IPO9: variants seen among roughly 807,000 people sequenced by gnomAD.
The protein encoded by IPO9 is importin-9.
Under a neutral mutation model 128.6 loss-of-function variants are expected in IPO9, and 28 were observed. The observed-to-expected ratio is 0.22, with a 90% CI of 0.16 to 0.30. The LOEUF is 0.30. Among genes scored for constraint, IPO9 ranks in the 10% least tolerant of loss-of-function variants. The pLI is 1.00. For synonymous variants in IPO9, 455 were observed against 475.8 expected (o/e 0.96, Z 0.57); for missense variants, 935 against 1,293.9 (o/e 0.72, Z 4.26).
rs1199329024 is a variant in IPO9 at position 201,876,321 on chromosome 1, C to T, written c.*267C>T. ...TTTCTCCCCGACTCTACCCCCACCT[C>T]TGTTCCTAGAGCCCTCTGCTGGCGA... is the stretch of plus-strand genomic sequence containing the variant. On this transcript the variant is annotated 3_prime_UTR_variant, in exon 24 of 24. Transcript: ENST00000361565. The T allele has an allele frequency of 1.7e-6, 1 of 574,322 alleles. No individual in the cohort carries two copies. Among genetic ancestry groups the T allele is most frequent in the African/African-American group, 1.9e-5 (1 of 53,948 alleles). The allele number at this position is 574,322 out of a possible 1,614,324, so 35.6% of individuals were successfully genotyped here.
intron 14 of IPO9, among the ~76,000 whole-genome samples, chr1:201,865,199 C>CTTTTTTTTTTTTTTTTTTTTTT (rs201084995): frequency 7.5e-6 from 1 of 132,852 alleles, no homozygotes; most frequent in Non-Finnish European, 1.6e-5. Context: ...AACTATTTTT[C>CTTTTTTTTTTTTTTTTTTTTTT]TTTTTTTTTT....
chr1:201,839,539 C>T lies in IPO9; in HGVS notation c.164-7740C>T, dbSNP rs915840879. Among the ~76,000 whole-genome samples the T allele has an allele frequency of 3.2e-5, 4 of 124,920 alleles. No homozygotes were observed. The East Asian group carries it at 6.7e-4, about 21-fold the overall frequency. The allele number at this position is 124,920 out of a possible 152,430, so 82.0% of individuals were successfully genotyped here. ...TCATGACACTGCACTCCAGCCTGGG[C>T]GACAGAGCAAGACTCCATCTCAAAA... On this transcript the variant is annotated intron_variant, in intron 1 of 23. Transcript: ENST00000361565.
rs1482800570 is a variant in IPO9, at chr1:201,881,649, G to T, written c.*5595G>T. On this transcript the variant is annotated 3_prime_UTR_variant, in exon 24 of 24. Coordinates refer to ENST00000361565, the MANE Select transcript of IPO9 (RefSeq NM_018085.5). ...AAGACCTGCTTCCTCTAGAGAATGG[G>T]AGACTACCCAAGATAACTAAACAGG... 1 of 152,206 alleles carries T rather than the reference G, an allele frequency of 6.6e-6. No homozygotes were observed. Among genetic ancestry groups the T allele is most frequent in the African/African-American group, 2.4e-5 (1 of 41,450 alleles). The allele number at this position is 152,206 out of a possible 1,614,324, so 9.4% of individuals were successfully genotyped here. A position where few individuals can be genotyped will look rare whatever the true frequency, so the allele number is the denominator to read the frequency against.
chr1:201,870,499 G>A lies in IPO9; in HGVS notation c.2134-84G>A. On this transcript the variant is annotated intron_variant, in intron 17 of 23. Transcript: ENST00000361565. This position sits in a 1 kb window ranked among gnomAD's most constrained non-coding sequence, Gnocchi z 4.9. Reference sequence around the variant, plus strand: ...CCGCTTTTATGAGGCATAGGCCTCTGGGAACATTTGTTTATACAGACTGAG... The same window carrying A: ...CCGCTTTTATGAGGCATAGGCCTCTAGGAACATTTGTTTATACAGACTGAG... The A allele has an allele frequency of 1.0e-5, 15 of 1,475,494 alleles. No homozygotes were observed. The highest frequency in any genetic ancestry group is 1.2e-5 in the Non-Finnish European group (13 of 1,095,350). 91.4% of individuals were successfully genotyped at this position (1,475,494 alleles called of 1,614,324 possible).
intron 15 of IPO9, among the ~76,000 whole-genome samples, chr1:201,867,230 C>G (rs1179806684): frequency 6.6e-6 from 1 of 152,012 alleles, no homozygotes; most frequent in East Asian, 1.9e-4. Context: ...AAGCAAGAGA[C>G]ATAATTCAGA....
intron 1 of IPO9, among the ~76,000 whole-genome samples, chr1:201,842,213 G>A (rs1277072970): frequency 6.6e-6 from 1 of 152,180 alleles, no homozygotes; most frequent in Non-Finnish European, 1.5e-5. Flanking sequence ...TGCTAGAGCA[G>A]CTCACAGAAC....
rs1005834811 is a variant in IPO9 at position 201,883,316 on chromosome 1, A to G, written c.*7262A>G. 3 of 152,232 alleles carry G rather than the reference A, an allele frequency of 2.0e-5. No individual in the cohort carries two copies. The highest frequency in any genetic ancestry group is 7.2e-5 in the African/African-American group (3 of 41,426). 9.4% of individuals were successfully genotyped at this position (152,232 alleles called of 1,614,324 possible). A position where few individuals can be genotyped will look rare whatever the true frequency, so the allele number is the denominator to read the frequency against. ...ATGGTGAAAGCTCTAGTGAACTGCA[A>G]TTAGGCCCAGGGTCCCGGAGGAAGA... On this transcript the variant is annotated 3_prime_UTR_variant, in exon 24 of 24. Transcript: ENST00000361565.
chr1:201,839,140 G>A (rs1260138122), intron 1 of IPO9, among the ~76,000 whole-genome samples: 6 of 148,932 alleles, frequency 4.0e-5, no homozygotes, highest in African/African-American at 1.5e-4. Context: ...AGCTGGTCTC[G>A]AACTCCTAAC....
At position 201,882,431 on chromosome 1, in the gene IPO9, C is replaced by CAAAAA. The variant is rs1282676404; in HGVS notation, c.*6388_*6392dup. On this transcript the variant is annotated 3_prime_UTR_variant, in exon 24 of 24. Coordinates refer to ENST00000361565, the MANE Select transcript of IPO9 (RefSeq NM_018085.5). The stretch of plus-strand genomic sequence containing the variant: ...TGGGCGACAGAGCGACACTCTGCCT[C>CAAAAA]AAAAAAAAAAAAAAACAAAAAAAAA... 1 of 37,826 alleles carries CAAAAA rather than the reference C, an allele frequency of 2.6e-5. No homozygotes were observed. 2.3% of individuals were successfully genotyped at this position (37,826 alleles called of 1,614,324 possible).
At position 201,863,544 on chromosome 1, in the gene IPO9, T is replaced by C. The variant is rs779209162; in HGVS notation, c.1565T>C (p.Val522Ala). Residue 522 changes from valine to alanine, a missense_variant, in exon 14 of 24, where the codon GTT becomes GCT. By Grantham distance (64) the Val-to-Ala change is moderately conservative. This residue lies in a region of IPO9 where 741 missense variants were observed against 1,019.1 expected (regional missense o/e 0.73). Transcript: ENST00000361565. ...ATCCAGCAGTTCCTACAGGCAACAG[T>C]TAGTGGTCTTCACGAGACACAGCCC... is the stretch of plus-strand genomic sequence containing the variant. ...ELIQQFLQAT[V>A]SGLHETQPPS... The C allele has an allele frequency of 6.2e-7, 1 of 1,607,084 alleles. No individual in the cohort carries two copies. The highest frequency in any genetic ancestry group is 1.7e-5 in the Admixed American group (1 of 59,934).
In IPO9 at chr1:201,870,842, C is replaced by T; in HGVS notation, c.2393C>T (p.Thr798Met). The T allele has an allele frequency of 1.2e-6, 2 of 1,612,488 alleles. No homozygotes were observed. The highest frequency in any genetic ancestry group is 8.5e-7 in the Non-Finnish European group (1 of 1,179,012). Reference protein sequence around the residue: ...AILSKMQQAETLSVMQSLIMV... With the variant: ...AILSKMQQAEMLSVMQSLIMV... ...CTCAGTAAGATGCAGCAGGCAGAGA[C>T]GCTCAGTGTCATGCAGGTAAGAGAG... The change falls in exon 18 of 24, where the codon ACG becomes ATG. Residue 798 changes from threonine to methionine, a missense_variant. Coordinates refer to ENST00000361565, the MANE Select transcript of IPO9 (RefSeq NM_018085.5). This position sits in a 1 kb window ranked among gnomAD's most constrained non-coding sequence, Gnocchi z 4.9.
intron 11 of IPO9, among the ~76,000 whole-genome samples, chr1:201,858,140 G>A (rs1241009300): frequency 6.6e-6 from 1 of 152,144 alleles, no homozygotes; most frequent in African/African-American, 2.4e-5. Context: ...CTCCAAGAGA[G>A]CAAATATTTG....
rs979457410 is a variant in IPO9 at position 201,883,671 on chromosome 1, G to A, written c.*7617G>A. The A allele has an allele frequency of 2.6e-5, 4 of 152,252 alleles. No homozygotes were observed. The highest frequency in any genetic ancestry group is 7.2e-5 in the African/African-American group (3 of 41,448). The allele number at this position is 152,252 out of a possible 1,614,324, so 9.4% of individuals were successfully genotyped here. On this transcript the variant is annotated 3_prime_UTR_variant, in exon 24 of 24. Transcript: ENST00000361565. ...CTGTGTGAGACCCCAGGACCTTTTC[G>A]TGATTCTGGAGAGGGGAACAAACCA...
Position 201,872,167 on chromosome 1 carries a change from A to G in IPO9, c.2577-661A>G, listed in dbSNP as rs534204974. ...GGAGAATCGCTTGAACCAAGGAGGC[A>G]GATCACGCCATTGCACTTCAGCCTG... On this transcript the variant is annotated intron_variant, in intron 19 of 23. Coordinates refer to ENST00000361565, the MANE Select transcript of IPO9 (RefSeq NM_018085.5). Among the ~76,000 whole-genome samples the G allele has an allele frequency of 1.5e-3, 231 of 152,328 alleles. 3 individuals are homozygous for G. Among genetic ancestry groups the G allele is most frequent in the African/African-American group, 5.1e-3 (213 of 41,578 alleles).
In IPO9 at chr1:201,871,376, C is replaced by CTT. The variant is rs556986429; in HGVS notation, c.2576+78_2576+79dup. Reference sequence around the variant, plus strand: ...GGGCATTCTGCCACCACTCATATTTCTTTTTTTTTTTTTTTTTTTTTTTTT... The same window carrying CTT: ...GGGCATTCTGCCACCACTCATATTTCTTTTTTTTTTTTTTTTTTTTTTTTTTT... On this transcript the variant is annotated intron_variant, in intron 19 of 23. Transcript: ENST00000361565. The CTT allele has an allele frequency of 9.1e-3, 1,353 of 149,222 alleles. 121 individuals carry two copies. Among genetic ancestry groups the CTT allele is most frequent in the African/African-American group, 0.019 (289 of 14,974 alleles). 9.2% of individuals were successfully genotyped at this position (149,222 alleles called of 1,614,324 possible). A position where few individuals can be genotyped will look rare whatever the true frequency, so the allele number is the denominator to read the frequency against.
In IPO9 at chr1:201,870,090, C is replaced by T. The variant is rs990066265; in HGVS notation, c.2133+372C>T. Among the ~76,000 whole-genome samples the T allele has an allele frequency of 3.9e-5, 6 of 152,084 alleles. No individual in the cohort carries two copies. Among genetic ancestry groups the T allele is most frequent in the Admixed American group, 3.9e-4 (6 of 15,284 alleles). ...GGAGACATGCCTGAATATTTTTTCTCTTTTTGTTTCTTGGGTGAATTGGTT... is the reference window on the plus strand; with the variant it reads ...GGAGACATGCCTGAATATTTTTTCTTTTTTTGTTTCTTGGGTGAATTGGTT... On this transcript the variant is annotated intron_variant, in intron 17 of 23. Coordinates refer to ENST00000361565, the MANE Select transcript of IPO9 (RefSeq NM_018085.5). This position sits in a 1 kb window ranked among gnomAD's most constrained non-coding sequence, Gnocchi z 4.9.
At chr1:201,830,068 T>C (rs1679804518) in intron 1 of IPO9, among the ~76,000 whole-genome samples, 1 of 152,228 alleles carries the variant, frequency 6.6e-6, no homozygotes, top group Admixed American at 6.5e-5. Flanking sequence ...TTGTGTGCTT[T>C]AAAGTGATGG....
chr1:201,863,500 T>C lies in IPO9; in HGVS notation c.1521T>C (p.Val507=). ...TTTGGGCTGCCAGTCGGTTCACTGT[T>C]GCTATGTCCCCTGAACTGATCCAGC... ...RALWAASRFT[V]AMSPELIQQF... The change falls in exon 14 of 24, where the codon GTT becomes GTC. Residue 507 remains valine (V), a synonymous_variant. Transcript: ENST00000361565. 1 of 1,599,026 alleles carries C rather than the reference T, an allele frequency of 6.3e-7. No individual in the cohort carries two copies. Among genetic ancestry groups the C allele is most frequent in the Non-Finnish European group, 8.6e-7 (1 of 1,168,050 alleles).
rs1036021070 is a variant in IPO9 at position 201,876,886 on chromosome 1, C to T, written c.*832C>T. 29 of 152,706 alleles carry T rather than the reference C, an allele frequency of 1.9e-4. No homozygotes were observed. The highest frequency in any genetic ancestry group is 6.5e-4 in the African/African-American group (27 of 41,566). 9.5% of individuals were successfully genotyped at this position (152,706 alleles called of 1,614,324 possible). A position where few individuals can be genotyped will look rare whatever the true frequency, so the allele number is the denominator to read the frequency against. On this transcript the variant is annotated 3_prime_UTR_variant, in exon 24 of 24. Transcript: ENST00000361565. ...TTATCCCCTTTCCCTCAGGAAGCCT[C>T]TAAAGTGCTTAAGTTGTAGCCCTCA...
Sources: gnomAD v4.1 joint callset for allele counts (sites outside exome capture counted in the v4.1 genomes callset) on GRCh38, gnomAD v4.1.1 for gene constraint, gnomAD v4.1.1 regional missense constraint, Gnocchi (gnomAD v3.1) non-coding constraint, MANE v1.5 for transcripts, NCBI Gene and HGNC (gene_info 2026-07-23, HGNC 2026-07-21) for gene names.